The following HS3ST4 variants were observed in gnomAD, a reference collection of about 807,000 sequenced individuals.
HS3ST4 encodes heparan sulfate-glucosamine 3-sulfotransferase 4, also known as heparan sulfate glucosamine 3-O-sulfotransferase 4.
Under a neutral mutation model 29.2 loss-of-function variants are expected in HS3ST4, and 17 were observed. The observed-to-expected ratio is 0.58, with a 90% CI of 0.40 to 0.87. The LOEUF (loss-of-function observed/expected upper bound fraction) is 0.87, where lower values mean the gene tolerates loss of function less well. HS3ST4 is among the 40% of genes least tolerant of loss of function. The pLI is 0.00. For synonymous variants in HS3ST4, 314 were observed against 285.7 expected (o/e 1.10, Z -1.00); for missense variants, 627 against 634.5 (o/e 0.99, Z 0.13).
chr16:26,064,010 A>T (rs954590131), intron 1 of HS3ST4, among the ~76,000 whole-genome samples: 1 of 152,218 alleles, frequency 6.6e-6, no homozygotes, highest in African/African-American at 2.4e-5. Context: ...GCCTTAAATT[A>T]GATCTTAGGG....
chr16:25,979,717 G>A (rs1459655741), intron 1 of HS3ST4, among the ~76,000 whole-genome samples: 2 of 152,120 alleles, frequency 1.3e-5, no homozygotes, highest in East Asian at 1.9e-4. Context: ...GAATCATCCC[G>A]AAACCATTCC....
intron 1 of HS3ST4, among the ~76,000 whole-genome samples, chr16:25,884,551 G>C (rs889224911): frequency 6.6e-6 from 1 of 152,128 alleles, no homozygotes; most frequent in East Asian, 1.9e-4. Flanking sequence ...ATAGGCTTTT[G>C]AGGTTAAGTA....
intron 1 of HS3ST4, among the ~76,000 whole-genome samples, chr16:26,024,278 G>A (rs1969445618): frequency 6.6e-6 from 1 of 151,150 alleles, no homozygotes; most frequent in African/African-American, 2.4e-5. Flanking sequence ...CTCAGTGCAT[G>A]GTATCCAGGA....
intron 1 of HS3ST4, among the ~76,000 whole-genome samples, chr16:25,816,055 G>T (rs1257266956): frequency 6.6e-6 from 1 of 152,082 alleles, no homozygotes; most frequent in Non-Finnish European, 1.5e-5. Flanking sequence ...AAATCTAAAG[G>T]AGAAATAAAA....
At chr16:25,892,208 G>A (rs1304907703) in intron 1 of HS3ST4, among the ~76,000 whole-genome samples, 1 of 152,108 alleles carries the variant, frequency 6.6e-6, no homozygotes, top group Non-Finnish European at 1.5e-5. Flanking sequence ...CTTCTCTTTG[G>A]GGTCAGAGCT....
At chr16:25,720,595 A>G (rs1966486302) in intron 1 of HS3ST4, among the ~76,000 whole-genome samples, 1 of 152,128 alleles carries the variant, frequency 6.6e-6, no homozygotes, top group Non-Finnish European at 1.5e-5. Context: ...TTCACCTCCA[A>G]CCTTAAAAAA....
chr16:25,898,269 G>A (rs139627074), intron 1 of HS3ST4, among the ~76,000 whole-genome samples: 163 of 152,284 alleles, frequency 1.1e-3, no homozygotes, highest in African/African-American at 3.6e-3. Context: ...AGTGCTAATG[G>A]CACTCACATA....
At chr16:25,870,001 T>TC (rs1967732899) in intron 1 of HS3ST4, among the ~76,000 whole-genome samples, 1 of 152,168 alleles carries the variant, frequency 6.6e-6, no homozygotes, top group African/African-American at 2.4e-5. Context: ...TCTCTATCTC[T>TC]GAGATATTCA....
chr16:26,049,243 G>A (rs541567187), intron 1 of HS3ST4, among the ~76,000 whole-genome samples: 2 of 152,038 alleles, frequency 1.3e-5, no homozygotes, highest in African/African-American at 4.8e-5. Flanking sequence ...TTAGGAAGGC[G>A]GAATGAAAAG....
At chr16:25,693,229 T>G in intron 1 of HS3ST4, 78 bp downstream of exon 1, 1 of 1,425,998 alleles carries the variant, frequency 7.0e-7, no homozygotes, top group South Asian at 1.5e-5. Flanking sequence ...TCCACGCCCT[T>G]CGAGCATCCA....
chr16:26,001,277 G>T (rs1339495203), intron 1 of HS3ST4, among the ~76,000 whole-genome samples: 1 of 152,132 alleles, frequency 6.6e-6, no homozygotes, highest in Non-Finnish European at 1.5e-5. Context: ...CGGGGTAAAA[G>T]GTCATGATAT....
intron 1 of HS3ST4, among the ~76,000 whole-genome samples, chr16:26,064,801 G>A (rs1308828127): frequency 6.6e-6 from 1 of 151,898 alleles, no homozygotes; most frequent in African/African-American, 2.4e-5. Flanking sequence ...ATTTTTCTTG[G>A]AGACGAGGTT....
At chr16:25,917,095 A>T (rs1968300682) in intron 1 of HS3ST4, among the ~76,000 whole-genome samples, 1 of 152,210 alleles carries the variant, frequency 6.6e-6, no homozygotes, top group Non-Finnish European at 1.5e-5. Flanking sequence ...AAAAAGAAGT[A>T]ACAATTTCTC....
intron 1 of HS3ST4, among the ~76,000 whole-genome samples, chr16:25,783,094 A>G (rs1053233934): frequency 6.6e-6 from 1 of 152,160 alleles, no homozygotes; most frequent in Admixed American, 6.5e-5. Flanking sequence ...GCCTGGCTCC[A>G]ATTTATCACA....
Position 26,024,647 on chromosome 16 carries a change from G to A in HS3ST4, c.735-110965G>A, listed in dbSNP as rs1168302163. 3.9e-5 allele frequency among the ~76,000 whole-genome samples: 6 copies of A among 152,186 alleles called. 1 individual carries two copies. Among genetic ancestry groups the A allele is most frequent in the South Asian group, 4.2e-4 (2 of 4,808 alleles). On this transcript the variant is annotated intron_variant, in intron 1 of 1. Coordinates refer to ENST00000331351, the MANE Select transcript of HS3ST4 (RefSeq NM_006040.3). Reference sequence around the variant, plus strand: ...CTCGGGAGGCTGAGGCAGGAGAATCGCATGAACCCAGGAGGCAGAGACTGC... The same window carrying A: ...CTCGGGAGGCTGAGGCAGGAGAATCACATGAACCCAGGAGGCAGAGACTGC...
intron 1 of HS3ST4, among the ~76,000 whole-genome samples, chr16:25,829,420 T>C (rs147653053): frequency 1.3e-3 from 195 of 152,308 alleles, no homozygotes; most frequent in African/African-American, 4.6e-3. Flanking sequence ...ATTTTTTAAT[T>C]TTACTTTAAG....
chr16:25,825,682 GCTAA>G, intron 1 of HS3ST4: 1 of 152,336 alleles, frequency 6.6e-6, no homozygotes, highest in Admixed American at 6.5e-5. Flanking sequence ...TGCCATATGT[GCTAA>G]CTGTGTTCAC....
At chr16:25,929,090 T>C (rs577450060) in intron 1 of HS3ST4, among the ~76,000 whole-genome samples, 3 of 152,198 alleles carry the variant, frequency 2.0e-5, no homozygotes, top group Admixed American at 1.3e-4. Flanking sequence ...GTGAAGAAAC[T>C]GAGTCTCAGG....
At chr16:26,018,562 C>T (rs759018709) in intron 1 of HS3ST4, among the ~76,000 whole-genome samples, 7 of 152,110 alleles carry the variant, frequency 4.6e-5, no homozygotes, top group Non-Finnish European at 5.9e-5. Context: ...TTGTTTTACA[C>T]ATGAGAAAAC....
Sources: gnomAD v4.1 joint callset for allele counts (sites outside exome capture counted in the v4.1 genomes callset) on GRCh38, gnomAD v4.1.1 for gene constraint, MANE v1.5 for transcripts, NCBI Gene and HGNC (gene_info 2026-07-23, HGNC 2026-07-21) for gene names.